Variants in LPIN3 observed in about 807,000 individuals in gnomAD.
LPIN3 encodes phosphatidate phosphatase LPIN3.
LPIN3 carries 82 observed loss-of-function variants against 94.7 expected under a neutral mutation model. The observed-to-expected ratio is 0.87, with a 90% CI of 0.72 to 1.04. The LOEUF (loss-of-function observed/expected upper bound fraction) is 1.04, where lower values mean the gene tolerates loss of function less well. Ranked by LOEUF, LPIN3 falls within the 50% of genes least tolerant of loss-of-function variation. LPIN3 has a pLI of 0.00. For missense variants in LPIN3, 996 were observed against 1,090.5 expected (o/e 0.91, Z 1.22); for synonymous variants, 418 against 443.3 (o/e 0.94, Z 0.72).
At chr20:41,348,066 C>T (rs953716328) in intron 3 of LPIN3, among the ~76,000 whole-genome samples, 22 of 152,084 alleles carry the variant, frequency 1.4e-4, no homozygotes, top group African/African-American at 4.8e-4. Context: ...GGTGGGTGTT[C>T]GCACAGGGGA....
chr20:41,351,790 GCTC>G (rs745604302), intron 7 of LPIN3, 28 bp from the exon 8 acceptor site: 22 of 1,603,048 alleles, frequency 1.4e-5, no homozygotes, highest in Non-Finnish European at 1.9e-5. Flanking sequence ...GCACATGTCA[GCTC>G]TACAGATATC....
rs2045944721 is a variant in LPIN3 at position 41,349,990 on chromosome 20, C to T, written c.760-65C>T. On this transcript the variant is annotated intron_variant, in intron 6 of 19. Coordinates refer to ENST00000373257, the MANE Select transcript of LPIN3 (RefSeq NM_022896.3). ...AGGGACTGAAACTCGGGCCACTGCC[C>T]CAAAAGCTTTGTGGGGCATGGGCCT... 4.5e-6 allele frequency: 7 copies of T among 1,559,714 alleles called. No homozygotes were observed. The South Asian group carries it at 7.2e-5, about 16-fold the overall frequency.
rs1398212563 is a variant in LPIN3, at chr20:41,354,874, C to T, written c.1664+11C>T. ...CAAGGAGCAGCAGGGGTGAGTGAGA[C>T]CCCCTATTGGGGCTCTGCAGGGGGA... On this transcript the variant is annotated intron_variant, in intron 13 of 19. Transcript: ENST00000373257. 2 of 1,554,888 alleles carry T rather than the reference C, an allele frequency of 1.3e-6. No individual in the cohort carries two copies. Among genetic ancestry groups the T allele is most frequent in the Non-Finnish European group, 1.7e-6 (2 of 1,149,258 alleles).
At chr20:41,355,226 T>A (rs577798654) in intron 13 of LPIN3, among the ~76,000 whole-genome samples, 4 of 152,328 alleles carry the variant, frequency 2.6e-5, no homozygotes, top group African/African-American at 9.6e-5. Context: ...TTGGTCAGGC[T>A]GGTCTTGAAC....
Position 41,349,883 on chromosome 20 carries a change from A to C in LPIN3, c.748A>C (p.Arg250=), listed in dbSNP as rs1289367506. The change falls in exon 6 of 20, where the codon AGG becomes CGG. Residue 250 remains arginine, a synonymous_variant. Transcript: ENST00000373257. ...GTCCCACATGCAGTGGGCCTGGGGG[A>C]GGCTGCCTAAGGTGAGTCCCTCTGT... The part of the protein sequence containing the change: ...AESHMQWAWG[R]LPKVARAERP... 1.2e-6 allele frequency: 2 copies of C among 1,612,142 alleles called. No individual in the cohort carries two copies. The highest frequency in any genetic ancestry group is 2.7e-5 in the African/African-American group (2 of 74,818).
Position 41,358,915 on chromosome 20 carries a change from G to A in LPIN3, c.*49G>A, listed in dbSNP as rs1257783694. ...CCCTGGCCCGGCCCAGGACTGGCTAGGTGTCCTGGGGTATAGGAGGGTGGG... is the reference window on the plus strand; with the variant it reads ...CCCTGGCCCGGCCCAGGACTGGCTAAGTGTCCTGGGGTATAGGAGGGTGGG... On this transcript the variant is annotated 3_prime_UTR_variant, in exon 20 of 20. Coordinates refer to ENST00000373257, the MANE Select transcript of LPIN3 (RefSeq NM_022896.3). 1 of 1,602,044 alleles carries A rather than the reference G, an allele frequency of 6.2e-7. No homozygotes were observed. Among genetic ancestry groups the A allele is most frequent in the Non-Finnish European group, 8.5e-7 (1 of 1,173,968 alleles).
chr20:41,352,619 G>C lies in LPIN3; in HGVS notation c.1377G>C (p.Gln459His). The change falls in exon 10 of 20, where the codon CAG becomes CAC. Residue 459 changes from glutamine (Q) to histidine (H), a missense_variant. Transcript: ENST00000373257. The stretch of plus-strand genomic sequence containing the variant: ...CTCTGTGCCCAGAGAAATTCAACCA[G>C]CACAGCGTCTCTTACCAGGACCTCA... ...SRDISLEKFN[Q>H]HSVSYQDLTK... The C allele has an allele frequency of 6.2e-7, 1 of 1,614,110 alleles. No homozygotes were observed. Among genetic ancestry groups the C allele is most frequent in the South Asian group, 1.1e-5 (1 of 91,090 alleles).
rs556298259 is a variant in LPIN3 at position 41,342,746 on chromosome 20, C to G, written c.-9+1744C>G. Among the ~76,000 whole-genome samples, 464 of 152,140 alleles carry G rather than the reference C, an allele frequency of 3.0e-3. 3 individuals carry two copies. Among genetic ancestry groups the G allele is most frequent in the South Asian group, 0.016 (77 of 4,818 alleles). On this transcript the variant is annotated intron_variant, in intron 1 of 19. Transcript: ENST00000373257. ...CACAGAAGGCCCCCAAAATGCCGAG[C>G]AGGCAGATGTGGGGGACATCCATTG...
At chr20:41,346,110 T>C in intron 2 of LPIN3, 115 bp downstream of exon 2, 1 of 1,053,804 alleles carries the variant, frequency 9.5e-7, no homozygotes, top group Non-Finnish European at 1.4e-6. Context: ...ATCTGTCCTC[T>C]GGACAGGCTT....
At chr20:41,357,759 C>CT in intron 16 of LPIN3, 123 bp from the exon 17 acceptor site, 1 of 1,314,680 alleles carries the variant, frequency 7.6e-7, no homozygotes, top group Non-Finnish European at 1.1e-6. Context: ...TCTTCAAGTC[C>CT]CCTCCCTGCA....
In LPIN3 at chr20:41,343,741, G is replaced by T. The variant is rs148995877; in HGVS notation, c.-8-2055G>T. ...CCTTTCAAACACATGAAAGGCTGCA[G>T]GAATCACCTCGGGATCCTGTTAAAA... is the stretch of plus-strand genomic sequence containing the variant. On this transcript the variant is annotated intron_variant, in intron 1 of 19. Transcript: ENST00000373257. Among the ~76,000 whole-genome samples, 1,073 of 152,334 alleles carry T rather than the reference G, an allele frequency of 7.0e-3. 5 individuals are homozygous for T. The highest frequency in any genetic ancestry group is 0.012 in the Admixed American group (176 of 15,300).
chr20:41,356,938 G>A (rs1600740855), intron 14 of LPIN3, 102 bp from the exon 15 acceptor site: 3 of 1,357,914 alleles, frequency 2.2e-6, no homozygotes, highest in Non-Finnish European at 3.1e-6. Flanking sequence ...AGGAAGAGGA[G>A]AATGAGAGGC....
In LPIN3 at chr20:41,350,272, CAG is replaced by C; in HGVS notation, c.980_981del (p.Glu327GlyfsTer53). Reference sequence around the variant, plus strand: ...GGTCCCCCTCTCCACACCCCAGAGACAGAGGAAAGCAAGACTCAGAGCTCTGG... The same window carrying C: ...GGTCCCCCTCTCCACACCCCAGAGACAGGAAAGCAAGACTCAGAGCTCTGG... On this transcript the variant is annotated frameshift_variant, in exon 7 of 20. Coordinates refer to ENST00000373257, the MANE Select transcript of LPIN3 (RefSeq NM_022896.3). LOFTEE classifies it high-confidence loss of function. 2.5e-6 allele frequency: 4 copies of C among 1,613,812 alleles called. No individual in the cohort carries two copies. The highest frequency in any genetic ancestry group is 3.4e-6 in the Non-Finnish European group (4 of 1,179,882).
chr20:41,357,859 G>A, intron 16 of LPIN3, 23 bp from the exon 17 acceptor site: 8 of 1,613,714 alleles, frequency 5.0e-6, no homozygotes, highest in Non-Finnish European at 6.8e-6. Flanking sequence ...ATGGCTCTAT[G>A]CCACCCTGTC....
intron 1 of LPIN3, among the ~76,000 whole-genome samples, chr20:41,342,511 G>T (rs745460555): frequency 4.7e-4 from 71 of 152,160 alleles, no homozygotes; most frequent in Non-Finnish European, 9.3e-4. Flanking sequence ...TTAGTTTGTG[G>T]GTGGAGGGTG....
In LPIN3 at chr20:41,359,281, G is replaced by A. The variant is rs540043402; in HGVS notation, c.*415G>A. 55 of 154,192 alleles carry A rather than the reference G, an allele frequency of 3.6e-4. No individual in the cohort carries two copies. The highest frequency in any genetic ancestry group is 1.2e-3 in the African/African-American group (48 of 41,484). 9.6% of individuals were successfully genotyped at this position (154,192 alleles called of 1,614,324 possible). On this transcript the variant is annotated 3_prime_UTR_variant, in exon 20 of 20. Coordinates refer to ENST00000373257, the MANE Select transcript of LPIN3 (RefSeq NM_022896.3). The stretch of plus-strand genomic sequence containing the variant: ...CTCCCAAGTAGCTGGGATTACAGGC[G>A]TGTACCACCACGCCTGGCTAATTTT...
intron 1 of LPIN3, among the ~76,000 whole-genome samples, chr20:41,341,229 G>A (rs1244996798): frequency 1.3e-5 from 2 of 152,156 alleles, no homozygotes; most frequent in Non-Finnish European, 2.9e-5. Context: ...GAGAGGAGAC[G>A]TCGAAACCTC....
chr20:41,348,881 C>T lies in LPIN3; in HGVS notation c.551C>T (p.Pro184Leu), dbSNP rs775138391. The T allele has an allele frequency of 1.2e-6, 2 of 1,603,534 alleles. No homozygotes were observed. The highest frequency in any genetic ancestry group is 1.7e-6 in the Non-Finnish European group (2 of 1,174,806). ...CTGCCGGAAAAGCTGAGGCCAGAGC[C>T]CCCAGGGTGTGTAAGGACCAAGGGA... ...LSLPEKLRPE[P>L]PGVQLEEKSS... Residue 184 changes from proline (P) to leucine (L), a missense_variant, in exon 4 of 20, where the codon CCC (proline) becomes CTC (leucine). By Grantham distance (98) the Pro-to-Leu change is moderately conservative. Transcript: ENST00000373257.
At chr20:41,350,798 G>A (rs998613756) in intron 7 of LPIN3, among the ~76,000 whole-genome samples, 2 of 152,192 alleles carry the variant, frequency 1.3e-5, no homozygotes, top group African/African-American at 4.8e-5. Context: ...GGCGTGCCTT[G>A]AGCAAGAAAT....
Sources: gnomAD v4.1 joint callset for allele counts (sites outside exome capture counted in the v4.1 genomes callset) on GRCh38, gnomAD v4.1.1 for gene constraint, MANE v1.5 for transcripts, NCBI Gene and HGNC (gene_info 2026-07-23, HGNC 2026-07-21) for gene names.